Variants in FLG observed in about 807,000 individuals in gnomAD.
The protein encoded by FLG is epidermal filaggrin.
In FLG, 6 loss-of-function variants were observed where a neutral mutation model predicts 3.8. The ratio of observed to expected loss-of-function variants is 1.60; its 90% CI spans 0.87 to 3.15. The LOEUF (loss-of-function observed/expected upper bound fraction) is 3.15, where lower values mean the gene tolerates loss of function less well. FLG is among the 30% of genes most tolerant of loss of function. The probability of loss-of-function intolerance (pLI) is 0.00; values close to 1 mark genes in which losing one functional copy is unlikely to be tolerated. For missense variants in FLG, 7,595 were observed against 5,050.9 expected, an observed-to-expected ratio of 1.50 and a Z score of -15.27; for synonymous variants, 2,551 against 1,931.6, an observed-to-expected ratio of 1.32 and a Z score of -8.41.
chr1:152,317,068 C>T (rs1010015022), intron 1 of FLG, among the ~76,000 whole-genome samples: 2 of 152,068 alleles, frequency 1.3e-5, no homozygotes, highest in African/African-American at 4.8e-5. Flanking sequence ...ACAGTCTGTG[C>T]TCCTCCTGTC....
In FLG at chr1:152,305,084, C is replaced by T; in HGVS notation, c.9802G>A (p.Ala3268Thr). The T allele has an allele frequency of 6.2e-7, 1 of 1,613,920 alleles. No homozygotes were observed. The highest frequency in any genetic ancestry group is 8.5e-7 in the Non-Finnish European group (1 of 1,179,952). The change falls in exon 3 of 3, where the codon GCA (alanine) becomes ACA (threonine). Residue 3268 changes from alanine (A) to threonine (T), a missense_variant. Coordinates refer to ENST00000368799, the MANE Select transcript of FLG (RefSeq NM_002016.2). ...GTGCCTGATTGTCTGGAGCGGTCTGCAGAGTGCCCGTGACCGGCTCTGTCT... is the reference window on the plus strand; with the variant it reads ...GTGCCTGATTGTCTGGAGCGGTCTGTAGAGTGCCCGTGACCGGCTCTGTCT... Reference protein sequence around the residue: ...HEDRAGHGHSADRSRQSGTRH... With the variant: ...HEDRAGHGHSTDRSRQSGTRH...
Position 152,312,320 on chromosome 1 carries a change from G to T in FLG, c.2566C>A (p.His856Asn). The T allele has an allele frequency of 6.2e-7, 1 of 1,613,244 alleles. No individual in the cohort carries two copies. Among genetic ancestry groups the T allele is most frequent in the Non-Finnish European group, 8.5e-7 (1 of 1,179,812 alleles). ...GACCTATCTACCGATTGCTCGTGGT[G>T]GGACCCCTGCCTTCCTCTTCTGCTT... ...GSSRRGRQGSHHEQSVDRSGH... is the reference protein window; with the variant it reads ...GSSRRGRQGSNHEQSVDRSGH... Residue 856 changes from histidine to asparagine, a missense_variant, in exon 3 of 3, where the codon CAC becomes AAC. Transcript: ENST00000368799.
At chr1:152,321,330 A>C (rs1652963361) in intron 1 of FLG, among the ~76,000 whole-genome samples, 1 of 149,814 alleles carries the variant, frequency 6.7e-6, no homozygotes, top group South Asian at 2.1e-4. Context: ...GGAAATAATA[A>C]AGATAACTAA....
At chr1:152,317,147 TTC>T (rs1299671950) in intron 1 of FLG, among the ~76,000 whole-genome samples, 1 of 152,056 alleles carries the variant, frequency 6.6e-6, no homozygotes, top group Non-Finnish European at 1.5e-5. Context: ...GTTGCCTACT[TTC>T]TCATATGCAT....
rs369925879 is a variant in FLG at position 152,310,659 on chromosome 1, T to A, written c.4227A>T (p.Ser1409=). Reference sequence around the variant, plus strand: ...GCCCAGCTTGTCCGTGGGCTGACACTGACTGTGTGTCTGAGTCTTCTGAAT... The same window carrying A: ...GCCCAGCTTGTCCGTGGGCTGACACAGACTGTGTGTCTGAGTCTTCTGAAT... ...EGHSEDSDTQ[S]VSAHGQAGPH... is the part of the protein sequence containing the mutation. Residue 1409 remains serine, a synonymous_variant, in exon 3 of 3, where the codon TCA becomes TCT. Transcript: ENST00000368799. 7 of 1,613,868 alleles carry A rather than the reference T, an allele frequency of 4.3e-6. No individual in the cohort carries two copies. In the African/African-American group the frequency reaches 9.4e-5, roughly 22 times the overall value.
Position 152,310,741 on chromosome 1 carries a change from A to T in FLG, c.4145T>A (p.Val1382Asp). The change falls in exon 3 of 3, where the codon GTC (valine) becomes GAC (aspartate). Residue 1382 changes from valine to aspartate, a missense_variant. Transcript: ENST00000368799. ...GIGHRQASSAVRDSGHRGSSG... is the reference protein window; with the variant it reads ...GIGHRQASSADRDSGHRGSSG... ...GGACCCTCGGTGTCCACTGTCTCTGACTGCAGATGAAGCTTGTCTGTGCCC... is the reference window on the plus strand; with the variant it reads ...GGACCCTCGGTGTCCACTGTCTCTGTCTGCAGATGAAGCTTGTCTGTGCCC... The T allele has an allele frequency of 6.2e-7, 1 of 1,613,816 alleles. No individual in the cohort carries two copies. The highest frequency in any genetic ancestry group is 8.5e-7 in the Non-Finnish European group (1 of 1,179,988).
chr1:152,311,111 C>T lies in FLG; in HGVS notation c.3775G>A (p.Gly1259Arg). ...CCCTGGTGCCTGCTTGTCCTGGACC[C>T]CGATGATTGTTCCTGTCCCACCTGT... ...HSQVGQEQSSGSRTSRHQGSS... is the reference protein window; with the variant it reads ...HSQVGQEQSSRSRTSRHQGSS... The change falls in exon 3 of 3, where the codon GGG becomes AGG. Residue 1259 changes from glycine to arginine, a missense_variant. Physicochemically the swap from Gly to Arg is moderately radical, Grantham distance 125. Coordinates refer to ENST00000368799, the MANE Select transcript of FLG (RefSeq NM_002016.2). The T allele has an allele frequency of 6.2e-7, 1 of 1,613,776 alleles. No homozygotes were observed. The highest frequency in any genetic ancestry group is 8.5e-7 in the Non-Finnish European group (1 of 1,179,956).
In FLG at chr1:152,309,289, C is replaced by T. The variant is rs201671091; in HGVS notation, c.5597G>A (p.Arg1866Lys). ...RGQSGSRSVS[R>K]QTRNEKQSGD... Reference sequence around the variant, plus strand: ...TGATTGTTTCTCATTACGTGTTTGTCTGCTGACACTTCTGGATCCTGACTG... The same window carrying T: ...TGATTGTTTCTCATTACGTGTTTGTTTGCTGACACTTCTGGATCCTGACTG... The change falls in exon 3 of 3, where the codon AGA becomes AAA. Residue 1866 changes from arginine (R) to lysine (K), a missense_variant. Physicochemically the swap from Arg to Lys is conservative, Grantham distance 26. Coordinates refer to ENST00000368799, the MANE Select transcript of FLG (RefSeq NM_002016.2). 6 of 1,613,880 alleles carry T rather than the reference C, an allele frequency of 3.7e-6. No individual in the cohort carries two copies. In the Admixed American group the frequency reaches 1.0e-4, roughly 27 times the overall value.
Position 152,308,018 on chromosome 1 carries a change from C to G in FLG, c.6868G>C (p.Ala2290Pro). 2.5e-6 allele frequency: 4 copies of G among 1,614,164 alleles called. No homozygotes were observed. The South Asian group carries it at 3.3e-5, about 13-fold the overall frequency. ...RHPRSHHEDR[A>P]GHGHSAESSR... ...CTCTCTGCAGAGTGCCCATGACCGG[C>G]TCTGTCTTCGTGATGGGACCTGGGG... Residue 2290 changes from alanine to proline, a missense_variant, in exon 3 of 3, where the codon GCC (alanine) becomes CCC (proline). Ala to Pro is a conservative substitution (Grantham distance 27). Transcript: ENST00000368799.
chr1:152,321,259 T>G (rs1378758159), intron 1 of FLG, among the ~76,000 whole-genome samples: 1 of 150,846 alleles, frequency 6.6e-6, no homozygotes, highest in Non-Finnish European at 1.5e-5. Context: ...ATTAATTACC[T>G]AAGCATATAT....
In FLG at chr1:152,310,298, C is replaced by T. The variant is rs538202195; in HGVS notation, c.4588G>A (p.Ala1530Thr). The T allele has an allele frequency of 2.5e-6, 4 of 1,613,870 alleles. No individual in the cohort carries two copies. ...CTGGGTCCTGACTGCCCATGGGAGG[C>T]ATCAGACCTTCCCTGGGGTGTGGTG... ...SHTTPQGRSD[A>T]SHGQSGPRSA... is the part of the protein sequence containing the mutation. The change falls in exon 3 of 3, where the codon GCC (alanine) becomes ACC (threonine). Residue 1530 changes from alanine (A) to threonine (T), a missense_variant. Coordinates refer to ENST00000368799, the MANE Select transcript of FLG (RefSeq NM_002016.2).
In FLG at chr1:152,308,444, C is replaced by A; in HGVS notation, c.6442G>T (p.Gly2148Ter). The change falls in exon 3 of 3, where the codon GGA becomes TGA. Residue 2148 changes from glycine to a stop codon, truncating the protein, a stop_gained. Coordinates refer to ENST00000368799, the MANE Select transcript of FLG (RefSeq NM_002016.2). LOFTEE classifies it low-confidence loss of function (END_TRUNC). ...TGCTCTTGGTGGGACCCCTGTCTTC[C>A]TCCTCTGCTTGGCCCCGGGTGTCCA... The part of the protein sequence containing the change: ...IRGHPGPSRG[G>*]RQGSHQEQSV... 1 of 1,613,826 alleles carries A rather than the reference C, an allele frequency of 6.2e-7. No homozygotes were observed. The highest frequency in any genetic ancestry group is 8.5e-7 in the Non-Finnish European group (1 of 1,179,878).
chr1:152,313,240 G>A lies in FLG; in HGVS notation c.1646C>T (p.Thr549Ile), dbSNP rs766976939. 19 of 1,613,770 alleles carry A rather than the reference G, an allele frequency of 1.2e-5. No homozygotes were observed. Among genetic ancestry groups the A allele is most frequent in the African/African-American group, 1.3e-5 (1 of 74,754 alleles). ...GGCATCAGACCTTCCCTGGGATGTGGTGTGGCTGTGATGGGAACCTGAGTG... is the reference window on the plus strand; with the variant it reads ...GGCATCAGACCTTCCCTGGGATGTGATGTGGCTGTGATGGGAACCTGAGTG... ...SGHSGSHHSHTTSQGRSDASH... is the reference protein window; with the variant it reads ...SGHSGSHHSHITSQGRSDASH... The change falls in exon 3 of 3, where the codon ACC (threonine) becomes ATC (isoleucine). Residue 549 changes from threonine (T) to isoleucine (I), a missense_variant. Physicochemically the swap from Thr to Ile is moderately conservative, Grantham distance 89. Coordinates refer to ENST00000368799, the MANE Select transcript of FLG (RefSeq NM_002016.2).
In FLG at chr1:152,308,330, A is replaced by G. The variant is rs766952869; in HGVS notation, c.6556T>C (p.Ser2186Pro). 8.7e-6 allele frequency: 14 copies of G among 1,613,098 alleles called. No individual in the cohort carries two copies. The highest frequency in any genetic ancestry group is 1.7e-5 in the Admixed American group (1 of 59,898). The change falls in exon 3 of 3, where the codon TCC (serine) becomes CCC (proline). Residue 2186 changes from serine to proline, a missense_variant. Transcript: ENST00000368799. Reference sequence around the variant, plus strand: ...TATGTTTTTCTGCTTGCACTTCTGGATCCTGACTGCCCACGGGAGGCATCA... The same window carrying G: ...TATGTTTTTCTGCTTGCACTTCTGGGTCCTGACTGCCCACGGGAGGCATCA... ...RSDASRGQSG[S>P]RSASRKTYDK...
Position 152,311,435 on chromosome 1 carries a change from C to T in FLG, c.3451G>A (p.Asp1151Asn), listed in dbSNP as rs1169418418. ...TGGGACGCTGAGTGCCTGGAGCTGTCTCGTGCCTGCTCGTGGTGGGATCCT... is the reference window on the plus strand; with the variant it reads ...TGGGACGCTGAGTGCCTGGAGCTGTTTCGTGCCTGCTCGTGGTGGGATCCT... ...RQGSHHEQAR[D>N]SSRHSASQEG... Residue 1151 changes from aspartate to asparagine, a missense_variant, in exon 3 of 3, where the codon GAC becomes AAC. Physicochemically the swap from Asp to Asn is conservative, Grantham distance 23 (BLOSUM62 1). Coordinates refer to ENST00000368799, the MANE Select transcript of FLG (RefSeq NM_002016.2). 2 of 1,613,982 alleles carry T rather than the reference C, an allele frequency of 1.2e-6. No homozygotes were observed. Among genetic ancestry groups the T allele is most frequent in the South Asian group, 2.2e-5 (2 of 91,064 alleles).
At position 152,310,828 on chromosome 1, in the gene FLG, G is replaced by T; in HGVS notation, c.4058C>A (p.Pro1353Gln). The change falls in exon 3 of 3, where the codon CCA (proline) becomes CAA (glutamine). Residue 1353 changes from proline to glutamine, a missense_variant. Pro to Gln is a moderately conservative substitution (Grantham distance 76). Transcript: ENST00000368799. ...GTGGCGGGATCCATGTCTTTCTCCT[G>T]GACTTGATCTTGCCTGTTCATGGGA... ...VSSHEQARSS[P>Q]GERHGSRHQQ... 1 of 1,611,774 alleles carries T rather than the reference G, an allele frequency of 6.2e-7. No individual in the cohort carries two copies.
rs1208141231 is a variant in FLG, at chr1:152,308,893, C to T, written c.5993G>A (p.Arg1998Lys). 12 of 1,614,180 alleles carry T rather than the reference C, an allele frequency of 7.4e-6. No homozygotes were observed. Among genetic ancestry groups the T allele is most frequent in the Middle Eastern group, 1.6e-4 (1 of 6,062 alleles). ...GQAASSHEQA[R>K]SSAGERHGSH... ...TCCATGTCTTTCTCCTGCACTTGAT[C>T]TTGCCTGTTCATGGGATGACGCAGC... The change falls in exon 3 of 3, where the codon AGA becomes AAA. Residue 1998 changes from arginine to lysine, a missense_variant. By Grantham distance (26) the Arg-to-Lys change is conservative (BLOSUM62 2). Coordinates refer to ENST00000368799, the MANE Select transcript of FLG (RefSeq NM_002016.2).
At position 152,314,336 on chromosome 1, in the gene FLG, C is replaced by G. The variant is rs893529866; in HGVS notation, c.550G>C (p.Glu184Gln). ...GKNHHNSSKK[E>Q]KNKTENTRLG... ...CTAGTATTTTCAGTCTTGTTTTTCT[C>G]TTTTTTACTTGAGTTATGATGGTTT... The change falls in exon 3 of 3, where the codon GAG becomes CAG. Residue 184 changes from glutamate (E) to glutamine (Q), a missense_variant. Transcript: ENST00000368799. 4.3e-6 allele frequency: 7 copies of G among 1,612,640 alleles called. No individual in the cohort carries two copies. Among genetic ancestry groups the G allele is most frequent in the Middle Eastern group, 1.6e-4 (1 of 6,082 alleles).
chr1:152,308,069 C>G lies in FLG; in HGVS notation c.6817G>C (p.Glu2273Gln), dbSNP rs142969864. 11 of 1,613,942 alleles carry G rather than the reference C, an allele frequency of 6.8e-6. No individual in the cohort carries two copies. The highest frequency in any genetic ancestry group is 2.2e-5 in the South Asian group (2 of 91,084). ...TGTCTGGAGCCATCTCTTGACTGCT[C>G]CTGAGCAGATCCATGATGGTTTCTG... ...ASRNHHGSAQ[E>Q]QSRDGSRHPR... is the part of the protein sequence containing the mutation. The change falls in exon 3 of 3, where the codon GAG becomes CAG. Residue 2273 changes from glutamate (E) to glutamine (Q), a missense_variant. Physicochemically the swap from Glu to Gln is conservative, Grantham distance 29. Transcript: ENST00000368799.
Sources: allele counts gnomAD v4.1 joint callset (sites outside exome capture counted in the v4.1 genomes callset), GRCh38; gene constraint gnomAD v4.1.1; transcripts MANE v1.5; gene names NCBI Gene and HGNC (gene_info 2026-07-23, HGNC 2026-07-21).